MROH9: variants seen among roughly 807,000 people sequenced by gnomAD.
The protein encoded by MROH9 is maestro heat like repeat family member 9.
A neutral mutation model predicts 98.2 loss-of-function variants in MROH9; 92 were observed. The observed-to-expected ratio is 0.94, with a 90% CI of 0.79 to 1.11. MROH9 has a LOEUF of 1.11. MROH9 is among the 50% of genes most tolerant of loss of function. The probability of loss-of-function intolerance (pLI) is 0.00; values close to 1 mark genes in which losing one functional copy is unlikely to be tolerated. For synonymous variants in MROH9, 397 were observed against 368.9 expected (o/e 1.08, Z -0.87); for missense variants, 1,057 against 1,014.8 (o/e 1.04, Z -0.57).
chr1:171,005,933 A>C (rs1421633560), intron 15 of MROH9, among the ~76,000 whole-genome samples: 2 of 152,222 alleles, frequency 1.3e-5, no homozygotes, highest in African/African-American at 4.8e-5. Context: ...TTTGTCTTTT[A>C]ACTTTTATAT....
intron 3 of MROH9, among the ~76,000 whole-genome samples, chr1:170,957,112 C>A (rs1403431181): frequency 2.0e-5 from 3 of 149,186 alleles, no homozygotes; most frequent in Admixed American, 6.7e-5. Flanking sequence ...TTATCCCATT[C>A]CATAGGTTGT....
chr1:171,043,240 G>A (rs552750578), intron 20 of MROH9, among the ~76,000 whole-genome samples: 31 of 151,870 alleles, frequency 2.0e-4, no homozygotes, highest in Middle Eastern at 3.4e-3. Flanking sequence ...TTATTGAAGA[G>A]ACTGCTTTTA....
At chr1:170,944,267 C>A (rs945385202) in intron 1 of MROH9, among the ~76,000 whole-genome samples, 2 of 151,728 alleles carry the variant, frequency 1.3e-5, no homozygotes, top group Non-Finnish European at 2.9e-5. Flanking sequence ...TATTGTAATC[C>A]TAAACATCAT....
At chr1:171,020,427 G>C (rs1652478956) in intron 17 of MROH9, among the ~76,000 whole-genome samples, 1 of 152,182 alleles carries the variant, frequency 6.6e-6, no homozygotes, top group African/African-American at 2.4e-5. Context: ...GATCAGGTCA[G>C]CTTCATCCCC....
chr1:171,047,988 C>CT (rs956143381), intron 20 of MROH9, among the ~76,000 whole-genome samples: 1 of 152,304 alleles, frequency 6.6e-6, no homozygotes, highest in South Asian at 2.1e-4. Context: ...TCTTCCCTTA[C>CT]TTTTTGCCAA....
intron 1 of MROH9, among the ~76,000 whole-genome samples, chr1:170,940,107 T>C (rs1407254988): frequency 6.6e-6 from 1 of 152,156 alleles, no homozygotes; most frequent in Non-Finnish European, 1.5e-5. Context: ...AAATGAGAAA[T>C]ATGTTGCCTA....
chr1:171,000,193 T>C (rs1176563192), intron 15 of MROH9, among the ~76,000 whole-genome samples: 1 of 152,158 alleles, frequency 6.6e-6, no homozygotes, highest in Non-Finnish European at 1.5e-5. Flanking sequence ...TTTAATTAGG[T>C]CTCAGCTATT....
intron 8 of MROH9, among the ~76,000 whole-genome samples, chr1:170,973,920 T>G (rs1009523318): frequency 6.6e-6 from 1 of 152,138 alleles, no homozygotes; most frequent in Non-Finnish European, 1.5e-5. Context: ...TATAACTACA[T>G]TCCACTTATT....
At position 171,060,374 on chromosome 1, in the gene MROH9, T is replaced by G. The variant is rs150923085; in HGVS notation, c.2282-1758T>G. 8.3e-4 allele frequency among the ~76,000 whole-genome samples: 126 copies of G among 152,300 alleles called. 3 individuals carry two copies. The East Asian group carries it at 0.021, about 25-fold the overall frequency. On this transcript the variant is annotated intron_variant, in intron 20 of 21. Transcript: ENST00000367759. The stretch of plus-strand genomic sequence containing the variant: ...TTCTCCCCAAATTGATCTGTATAGA[T>G]TCAATGTATTCCCAAACAATATCTC...
At chr1:170,968,109 T>G (rs1042118278) in intron 7 of MROH9, among the ~76,000 whole-genome samples, 4 of 152,134 alleles carry the variant, frequency 2.6e-5, no homozygotes, top group African/African-American at 9.7e-5. Context: ...TGGGAACCCA[T>G]GAGCATTAGG....
intron 20 of MROH9, among the ~76,000 whole-genome samples, chr1:171,047,738 G>A (rs771484589): frequency 3.9e-5 from 6 of 152,080 alleles, no homozygotes; most frequent in African/African-American, 7.2e-5. Flanking sequence ...CACTGTCTGG[G>A]CATTGAAGAC....
At chr1:170,944,556 A>T (rs1371603909) in intron 1 of MROH9, among the ~76,000 whole-genome samples, 1 of 151,480 alleles carries the variant, frequency 6.6e-6, no homozygotes, top group Non-Finnish European at 1.5e-5. Context: ...GTATCTCAAA[A>T]AGGTTGCAAA....
At position 170,986,632 on chromosome 1, in the gene MROH9, A is replaced by G. The variant is rs372661428; in HGVS notation, c.801A>G (p.Ser267=). The stretch of plus-strand genomic sequence containing the variant: ...AGAGTCTCCTGATGAAACTCTCTTC[A>G]CCTGATGATAAAATCGCATCTGATG... ...FVQSLLMKLS[S]PDDKIASDAA... The change falls in exon 10 of 22, where the codon TCA becomes TCG. Residue 267 remains serine (S), a synonymous_variant. Coordinates refer to ENST00000367759, the MANE Select transcript of MROH9 (RefSeq NM_001163629.2). 7 of 1,613,806 alleles carry G rather than the reference A, an allele frequency of 4.3e-6. No individual in the cohort carries two copies. In the African/African-American group the frequency reaches 8.0e-5, roughly 18 times the overall value.
At chr1:170,946,832 T>C (rs1649348476) in intron 2 of MROH9, among the ~76,000 whole-genome samples, 1 of 152,014 alleles carries the variant, frequency 6.6e-6, no homozygotes, top group Non-Finnish European at 1.5e-5. Context: ...TTTCAGTAAC[T>C]GATAACTCCA....
intron 20 of MROH9, among the ~76,000 whole-genome samples, chr1:171,050,456 G>A (rs1187456125): frequency 6.6e-6 from 1 of 152,066 alleles, no homozygotes; most frequent in East Asian, 1.9e-4. Flanking sequence ...ATGGGATTTA[G>A]TTCTTGATTT....
chr1:171,034,940 G>A (rs867483523), intron 20 of MROH9, among the ~76,000 whole-genome samples: 12 of 152,176 alleles, frequency 7.9e-5, no homozygotes, highest in South Asian at 2.1e-4. Flanking sequence ...ATATCAGACC[G>A]GCAAATGATG....
chr1:171,001,085 A>G (rs1284066932), intron 15 of MROH9, among the ~76,000 whole-genome samples: 1 of 152,012 alleles, frequency 6.6e-6, no homozygotes, highest in Non-Finnish European at 1.5e-5. Flanking sequence ...CAGTTGTAAT[A>G]TCTCCTGTTT....
chr1:170,971,692 C>T, intron 7 of MROH9, 56 bp from the exon 8 acceptor site: 4 of 1,584,122 alleles, frequency 2.5e-6, no homozygotes, highest in Non-Finnish European at 3.5e-6. Context: ...TGCATGCAGA[C>T]ATTTTCATAT....
At chr1:171,026,036 CAT>C (rs1652700158) in intron 20 of MROH9, among the ~76,000 whole-genome samples, 1 of 152,108 alleles carries the variant, frequency 6.6e-6, no homozygotes, top group Non-Finnish European at 1.5e-5. Context: ...CCCCAGTTAG[CAT>C]CATGGAGTAA....
Sources: allele counts gnomAD v4.1 joint callset (sites outside exome capture counted in the v4.1 genomes callset), GRCh38; gene constraint gnomAD v4.1.1; transcripts MANE v1.5; gene names NCBI Gene and HGNC (gene_info 2026-07-23, HGNC 2026-07-21).